Variants in FAM117B observed in about 807,000 individuals in gnomAD.
The protein encoded by FAM117B is family with sequence similarity 117 member B, also known as protein FAM117B.
A neutral mutation model predicts 52.8 loss-of-function variants in FAM117B; 22 were observed. That is an observed-to-expected ratio of 0.42 (90% CI 0.30 to 0.59). The LOEUF is 0.59. FAM117B is among the 20% of genes least tolerant of loss of function. The pLI is 0.22. For synonymous variants in FAM117B, 309 were observed against 324.1 expected (o/e 0.95, Z 0.50); for missense variants, 678 against 802.6 (o/e 0.84, Z 1.88).
chr2:202,695,751 G>A, intron 1 of FAM117B, 130 bp from the exon 2 acceptor site: 1 of 926,202 alleles, frequency 1.1e-6, no homozygotes, highest in African/African-American at 1.7e-5. Flanking sequence ...GGGGGTCTTG[G>A]AAGTATCCCC....
chr2:202,741,416 C>CAAAAAAAAAAAAAAAAAAAAAAAAAA (rs1156278814), intron 4 of FAM117B, among the ~76,000 whole-genome samples: 1 of 34,934 alleles, frequency 2.9e-5, no homozygotes, highest in African/African-American at 1.3e-4. Context: ...GACTCTGTCT[C>CAAAAAAAAAAAAAAAAAAAAAAAAAA]AAAAAAAAAA....
intron 2 of FAM117B, among the ~76,000 whole-genome samples, chr2:202,721,140 C>A (rs1559109562): frequency 6.6e-6 from 1 of 151,680 alleles, no homozygotes; most frequent in African/African-American, 2.4e-5. Context: ...TATAAACCAA[C>A]TTTTTTTTTC....
chr2:202,684,377 T>G (rs1226124917), intron 1 of FAM117B, among the ~76,000 whole-genome samples: 1 of 152,224 alleles, frequency 6.6e-6, no homozygotes, highest in African/African-American at 2.4e-5. Context: ...ACTCAATACT[T>G]TCTTGCTTTT....
chr2:202,699,778 G>A lies in FAM117B; in HGVS notation c.753+3746G>A, dbSNP rs532872208. ...ATTTTATTGAACTTTATTGGGCTTCGCAGATATTGTGTTTTTTTACAAATT... is the reference window on the plus strand; with the variant it reads ...ATTTTATTGAACTTTATTGGGCTTCACAGATATTGTGTTTTTTTACAAATT... On this transcript the variant is annotated intron_variant, in intron 2 of 7. Coordinates refer to ENST00000392238, the MANE Select transcript of FAM117B (RefSeq NM_173511.4). Among the ~76,000 whole-genome samples, 49 of 152,216 alleles carry A rather than the reference G, an allele frequency of 3.2e-4. 1 individual carries two copies. In the South Asian group the frequency reaches 7.7e-3, roughly 24 times the overall value.
chr2:202,729,476 C>G (rs909856482), intron 4 of FAM117B, among the ~76,000 whole-genome samples: 1 of 152,124 alleles, frequency 6.6e-6, no homozygotes, highest in Admixed American at 6.5e-5. Context: ...TTCATCAGCC[C>G]ATACAATATT....
intron 1 of FAM117B, among the ~76,000 whole-genome samples, chr2:202,655,754 G>GAGAGAGAGAA (rs1559095457): frequency 6.7e-6 from 1 of 148,384 alleles, no homozygotes; most frequent in Non-Finnish European, 1.5e-5. Flanking sequence ...GAGAGAGAGA[G>GAGAGAGAGAA]AGAGAGAGTG....
intron 2 of FAM117B, among the ~76,000 whole-genome samples, chr2:202,705,115 T>A (rs911454570): frequency 1.3e-5 from 2 of 152,010 alleles, no homozygotes; most frequent in African/African-American, 4.8e-5. Context: ...GAGACCAGCC[T>A]GACCAACATG....
chr2:202,763,967 T>C (rs932839145), intron 7 of FAM117B, among the ~76,000 whole-genome samples: 39 of 152,230 alleles, frequency 2.6e-4, no homozygotes, highest in African/African-American at 8.7e-4. Flanking sequence ...AACCTTTTTA[T>C]AAACCTCTGT....
At chr2:202,725,652 C>A (rs1691230782) in intron 3 of FAM117B, among the ~76,000 whole-genome samples, 1 of 152,128 alleles carries the variant, frequency 6.6e-6, no homozygotes, top group Non-Finnish European at 1.5e-5. Context: ...GGTGGTGTTT[C>A]TGAAATGCAG....
At chr2:202,646,265 C>T (rs1412088701) in intron 1 of FAM117B, among the ~76,000 whole-genome samples, 1 of 152,230 alleles carries the variant, frequency 6.6e-6, no homozygotes, top group East Asian at 1.9e-4. Flanking sequence ...CCTGTCTCCA[C>T]CAGCCAGAAT....
Position 202,767,825 on chromosome 2 carries a change from A to G in FAM117B, c.*2061A>G, listed in dbSNP as rs1283779853. On this transcript the variant is annotated 3_prime_UTR_variant, in exon 8 of 8. Transcript: ENST00000392238. ...CATTTGAATAAATCCGTCAGGTTTT[A>G]GATGGTGGGATTGATGAACTTTGGT... 1 of 152,242 alleles carries G rather than the reference A, an allele frequency of 6.6e-6. No individual in the cohort carries two copies. The highest frequency in any genetic ancestry group is 6.5e-5 in the Admixed American group (1 of 15,276). The allele number at this position is 152,242 out of a possible 1,614,324, so 9.4% of individuals were successfully genotyped here.
intron 2 of FAM117B, among the ~76,000 whole-genome samples, chr2:202,705,708 C>T (rs747821208): frequency 1.1e-4 from 17 of 152,152 alleles, no homozygotes; most frequent in Non-Finnish European, 2.4e-4. Flanking sequence ...TGCGAGTTTG[C>T]CTTCCAAAAA....
At chr2:202,652,451 G>A (rs1486768605) in intron 1 of FAM117B, among the ~76,000 whole-genome samples, 1 of 152,152 alleles carries the variant, frequency 6.6e-6, no homozygotes, top group Non-Finnish European at 1.5e-5. Context: ...AGGATGTTGA[G>A]AACACATCCT....
At chr2:202,677,869 C>T (rs529497179) in intron 1 of FAM117B, among the ~76,000 whole-genome samples, 1 of 152,254 alleles carries the variant, frequency 6.6e-6, no homozygotes, top group East Asian at 1.9e-4. Flanking sequence ...TGCATGGAAG[C>T]AGTTTGCTCA....
At chr2:202,636,015 C>CGG (rs1164905922) in intron 1 of FAM117B, among the ~76,000 whole-genome samples, 34 of 151,538 alleles carry the variant, frequency 2.2e-4, no homozygotes, top group African/African-American at 7.7e-4. Flanking sequence ...TCTGCCCGCC[C>CGG]CGCACGGCTC....
At chr2:202,697,798 C>T (rs1320779483) in intron 2 of FAM117B, among the ~76,000 whole-genome samples, 1 of 152,044 alleles carries the variant, frequency 6.6e-6, no homozygotes, top group Non-Finnish European at 1.5e-5. Context: ...GATCTGCCTA[C>T]CTCGGCCTCC....
intron 1 of FAM117B, among the ~76,000 whole-genome samples, chr2:202,638,953 AT>A (rs1193522182): frequency 1.3e-5 from 2 of 152,300 alleles, no homozygotes; most frequent in East Asian, 3.9e-4. Flanking sequence ...GTGTTTTCAG[AT>A]TTCAGGTGTT....
chr2:202,694,785 TG>T (rs1003992458), intron 1 of FAM117B, among the ~76,000 whole-genome samples: 1 of 152,138 alleles, frequency 6.6e-6, no homozygotes, highest in African/African-American at 2.4e-5. Flanking sequence ...TCTTTTGGGC[TG>T]GTACTAAGTT....
chr2:202,676,511 C>G (rs924008577), intron 1 of FAM117B, among the ~76,000 whole-genome samples: 2 of 151,852 alleles, frequency 1.3e-5, no homozygotes, highest in African/African-American at 4.8e-5. Context: ...TCCTGAGTAG[C>G]TGGGATTACA....
Sources: gnomAD v4.1 joint callset for allele counts (sites outside exome capture counted in the v4.1 genomes callset) on GRCh38, gnomAD v4.1.1 for gene constraint, MANE v1.5 for transcripts, NCBI Gene and HGNC (gene_info 2026-07-23, HGNC 2026-07-21) for gene names.